CFAP46: variants seen among roughly 807,000 people sequenced by gnomAD.
CFAP46 encodes cilia and flagella associated protein 46.
In CFAP46, 245 loss-of-function variants were observed where a neutral mutation model predicts 325.7. The ratio of observed to expected loss-of-function variants is 0.75; its 90% CI spans 0.68 to 0.84. CFAP46 has a LOEUF of 0.84. Among genes scored for constraint, CFAP46 ranks in the 40% least tolerant of loss-of-function variants. The pLI is 0.00. For missense variants in CFAP46, 3,346 were observed against 3,543.0 expected (o/e 0.94, Z 1.41); for synonymous variants, 1,523 against 1,495.9 (o/e 1.02, Z -0.42).
chr10:132,923,835 G>T (rs1430488881), intron 11 of CFAP46, among the ~76,000 whole-genome samples: 1 of 152,144 alleles, frequency 6.6e-6, no homozygotes, highest in Non-Finnish European at 1.5e-5. Flanking sequence ...TAAGTTAAGG[G>T]TGCATGTTCT....
chr10:132,851,255 G>C lies in CFAP46; in HGVS notation c.5625C>G (p.Leu1875=), dbSNP rs150581785. The C allele has an allele frequency of 7.4e-6, 12 of 1,613,882 alleles. No homozygotes were observed. The South Asian group carries it at 8.8e-5, about 12-fold the overall frequency. ...PLMRKLARLK[L]GLVEMALDML... Reference sequence around the variant, plus strand: ...TGTCCAGAGCCATTTCCACGAGGCCGAGCTTGAGGCGCGCCAGCTTCCTCA... The same window carrying C: ...TGTCCAGAGCCATTTCCACGAGGCCCAGCTTGAGGCGCGCCAGCTTCCTCA... The change falls in exon 40 of 58, where the codon CTC becomes CTG. Residue 1875 remains leucine, a synonymous_variant. Transcript: ENST00000368586.
intron 57 of CFAP46, among the ~76,000 whole-genome samples, chr10:132,809,184 TG>T (rs887576009): frequency 6.6e-6 from 1 of 152,014 alleles, no homozygotes. Flanking sequence ...GCTGCTCTGC[TG>T]GGGGGGCGCC....
At chr10:132,908,916 C>T (rs1849499207) in intron 21 of CFAP46, among the ~76,000 whole-genome samples, 4 of 152,218 alleles carry the variant, frequency 2.6e-5, no homozygotes, top group Admixed American at 2.6e-4. Context: ...GGAGGGTCCG[C>T]TCAAACAGCG....
intron 44 of CFAP46, among the ~76,000 whole-genome samples, chr10:132,841,977 C>T (rs534291052): frequency 1.4e-3 from 220 of 152,330 alleles, no homozygotes; most frequent in Non-Finnish European, 2.1e-3. Context: ...GAACAGCACC[C>T]GGCCCTTCCT....
At chr10:132,860,715 C>T in intron 36 of CFAP46, 67 bp downstream of exon 36, 1 of 1,505,264 alleles carries the variant, frequency 6.6e-7, no homozygotes, top group Non-Finnish European at 9.0e-7. Context: ...CCCATGGACG[C>T]CCTTCCTCTC....
At position 132,836,157 on chromosome 10, in the gene CFAP46, C is replaced by T. The variant is rs745386201; in HGVS notation, c.6598G>A (p.Val2200Met). ...CCCTGCTCACCTCCCACCGCCTGCA[C>T]CTTTCCTTTGGCTGCAGTAATGAAC... ...PKFITAAKGK[V>M]QAVGGSCKVM... is the part of the protein sequence containing the mutation. The change falls in exon 46 of 58, where the codon GTG (valine) becomes ATG (methionine). Residue 2200 changes from valine (V) to methionine (M), a missense_variant. By Grantham distance (21) the Val-to-Met change is conservative (BLOSUM62 1). Transcript: ENST00000368586. The T allele has an allele frequency of 1.9e-6, 3 of 1,609,070 alleles. No individual in the cohort carries two copies. The highest frequency in any genetic ancestry group is 2.5e-6 in the Non-Finnish European group (3 of 1,179,202).
Position 132,924,737 on chromosome 10 carries a change from C to A in CFAP46, c.1215G>T (p.Lys405Asn). Residue 405 changes from lysine to asparagine, a missense_variant, in exon 11 of 58, where the codon AAG becomes AAT. Physicochemically the swap from Lys to Asn is moderately conservative, Grantham distance 94. Coordinates refer to ENST00000368586, the MANE Select transcript of CFAP46 (RefSeq NM_001200049.3). ...LQHNLRHHLR[K>N]PLAGVADVLE... ...GCACGTCCGCAACGCCAGCCAGGGG[C>A]TTCCGCAGGTGGTGCCGCAGGTTGT... The A allele has an allele frequency of 1.3e-6, 2 of 1,540,150 alleles. No individual in the cohort carries two copies. Among genetic ancestry groups the A allele is most frequent in the Non-Finnish European group, 1.8e-6 (2 of 1,142,330 alleles).
At position 132,892,232 on chromosome 10, in the gene CFAP46, G is replaced by A. The variant is rs114399182; in HGVS notation, c.3304+101C>T. 509 of 1,126,926 alleles carry A rather than the reference G, an allele frequency of 4.5e-4. 1 individual carries two copies. The African/African-American group carries it at 6.7e-3, about 15-fold the overall frequency. 69.8% of individuals were successfully genotyped at this position (1,126,926 alleles called of 1,614,324 possible). On this transcript the variant is annotated intron_variant, in intron 25 of 57. Coordinates refer to ENST00000368586, the MANE Select transcript of CFAP46 (RefSeq NM_001200049.3). ...TGGAGTTACTGCCAAGTGGCTTCACGTCAGGGCATGGGAATTTAAAAGCAC... is the reference window on the plus strand; with the variant it reads ...TGGAGTTACTGCCAAGTGGCTTCACATCAGGGCATGGGAATTTAAAAGCAC...
chr10:132,810,821 G>C, intron 56 of CFAP46, 129 bp downstream of exon 56: 1 of 867,960 alleles, frequency 1.2e-6, no homozygotes, highest in Non-Finnish European at 1.9e-6. Context: ...GAACGCATGT[G>C]CACCCTGACA....
At chr10:132,822,122 C>G (rs1847860436) in intron 50 of CFAP46, among the ~76,000 whole-genome samples, 2 of 110,930 alleles carry the variant, frequency 1.8e-5, no homozygotes, top group African/African-American at 7.5e-5. Flanking sequence ...GCTGTGTGTG[C>G]ACTTGTGTGT....
chr10:132,838,386 A>G (rs1848300328), intron 44 of CFAP46, among the ~76,000 whole-genome samples: 1 of 152,284 alleles, frequency 6.6e-6, no homozygotes. Context: ...GTAAAAGCCC[A>G]TGCGTGAAAA....
Position 132,810,428 on chromosome 10 carries a change from G to A in CFAP46, c.7645C>T (p.Arg2549Ter), listed in dbSNP as rs973200087. The change falls in exon 57 of 58, where the codon CGA (arginine) becomes TGA (stop). Residue 2549 changes from arginine (R) to a stop codon, truncating the protein, a stop_gained. Coordinates refer to ENST00000368586, the MANE Select transcript of CFAP46 (RefSeq NM_001200049.3). LOFTEE classifies it low-confidence loss of function (END_TRUNC). ...NSASPSEDEW[R>*]RGGEPRRGFS... ...CCTTACCTTGGTTCACCGCCTCGTC[G>A]CCACTCATCTTCTGAAGGAGACGCA... 1.9e-6 allele frequency: 3 copies of A among 1,613,284 alleles called. No homozygotes were observed. Among genetic ancestry groups the A allele is most frequent in the East Asian group, 2.2e-5 (1 of 44,876 alleles).
chr10:132,934,448 T>C (rs984923788), intron 8 of CFAP46, among the ~76,000 whole-genome samples: 1 of 152,198 alleles, frequency 6.6e-6, no homozygotes, highest in Admixed American at 6.5e-5. Context: ...GAGAAACCTG[T>C]GTTTTCCCAC....
intron 17 of CFAP46, among the ~76,000 whole-genome samples, chr10:132,916,245 G>A (rs998707622): frequency 2.6e-5 from 4 of 152,212 alleles, no homozygotes; most frequent in Non-Finnish European, 4.4e-5. Flanking sequence ...AGGGCCTGAC[G>A]AGGGTGAGCA....
chr10:132,845,112 C>T (rs540974518), intron 44 of CFAP46, among the ~76,000 whole-genome samples: 1 of 152,214 alleles, frequency 6.6e-6, no homozygotes, highest in Admixed American at 6.5e-5. Flanking sequence ...GCCATGCACA[C>T]CCTCCTGGAC....
chr10:132,911,900 G>A (rs889164757), intron 19 of CFAP46, among the ~76,000 whole-genome samples: 4 of 152,010 alleles, frequency 2.6e-5, no homozygotes, highest in African/African-American at 7.2e-5. Flanking sequence ...ACCCACCCAC[G>A]GGTCTTGTTT....
At chr10:132,813,049 C>T in intron 54 of CFAP46, 152 bp from the exon 55 acceptor site, 1 of 627,398 alleles carries the variant, frequency 1.6e-6, no homozygotes, top group South Asian at 1.9e-5. Flanking sequence ...AATGCCCACG[C>T]CTCCCTCCTC....
Position 132,835,293 on chromosome 10 carries a change from G to A in CFAP46, c.6744+11C>T. ...TCCCGGCTGGGTGGCTTGGAGCCTGGAGGGCCTCACCGAGCCTATGTTCAG... is the reference window on the plus strand; with the variant it reads ...TCCCGGCTGGGTGGCTTGGAGCCTGAAGGGCCTCACCGAGCCTATGTTCAG... On this transcript the variant is annotated intron_variant, in intron 47 of 57. Coordinates refer to ENST00000368586, the MANE Select transcript of CFAP46 (RefSeq NM_001200049.3). 1 of 1,611,760 alleles carries A rather than the reference G, an allele frequency of 6.2e-7. No homozygotes were observed. The highest frequency in any genetic ancestry group is 8.5e-7 in the Non-Finnish European group (1 of 1,179,332).
chr10:132,845,962 G>C, intron 44 of CFAP46, 95 bp downstream of exon 44: 3 of 1,361,606 alleles, frequency 2.2e-6, no homozygotes, highest in Non-Finnish European at 3.0e-6. Flanking sequence ...GGTGAGCAAG[G>C]CTGCCTCGCT....
Sources: allele counts gnomAD v4.1 joint callset (sites outside exome capture counted in the v4.1 genomes callset), GRCh38; gene constraint gnomAD v4.1.1; transcripts MANE v1.5; gene names NCBI Gene and HGNC (gene_info 2026-07-23, HGNC 2026-07-21).